The following FOXD2 variants were observed in gnomAD, a reference collection of about 807,000 sequenced individuals.
FOXD2 encodes forkhead box D2, also known as forkhead box protein D2.
In FOXD2, 4 loss-of-function variants were observed where a neutral mutation model predicts 6.4. That is an observed-to-expected ratio of 0.62 (90% CI 0.31 to 1.42). The LOEUF (loss-of-function observed/expected upper bound fraction) is 1.42, where lower values mean the gene tolerates loss of function less well. Ranked by LOEUF, FOXD2 falls within the 40% of genes most tolerant of loss-of-function variation. FOXD2 has a pLI of 0.08. For synonymous variants in FOXD2, 393 were observed against 373.6 expected, an observed-to-expected ratio of 1.05 and a Z score of -0.60; for missense variants, 709 against 766.8, an observed-to-expected ratio of 0.92 and a Z score of 0.89.
In FOXD2 at chr1:47,439,652, C is replaced by T. The variant is rs1304094949; in HGVS notation, c.*29C>T. 6 of 1,534,662 alleles carry T rather than the reference C, an allele frequency of 3.9e-6. No individual in the cohort carries two copies. The highest frequency in any genetic ancestry group is 1.2e-5 in the South Asian group (1 of 82,416). ...CAGCAGGCCCAGGGCCGGTTAGGTC[C>T]GCACTCCTCAGCCTCTCCCGGGAGT... On this transcript the variant is annotated 3_prime_UTR_variant, in exon 1 of 1. Coordinates refer to ENST00000334793, the MANE Select transcript of FOXD2 (RefSeq NM_004474.4).
rs903605765 is a variant in FOXD2 at position 47,440,199 on chromosome 1, C to G, written c.*576C>G. 6.3e-6 allele frequency: 1 copy of G among 158,122 alleles called. No homozygotes were observed. The highest frequency in any genetic ancestry group is 2.6e-5 in the African/African-American group (1 of 38,074). 9.8% of individuals were successfully genotyped at this position (158,122 alleles called of 1,614,324 possible). A position where few individuals can be genotyped will look rare whatever the true frequency, so the allele number is the denominator to read the frequency against. ...CAGTGTCTACGCAGGCGGAGCTGAA[C>G]GGAGAGGTGAAGCAGGGGGTCTTTA... On this transcript the variant is annotated 3_prime_UTR_variant, in exon 1 of 1. Transcript: ENST00000334793.
rs1646995276 is a variant in FOXD2, at chr1:47,439,370, TCTCTATAGACCA to T, written c.1237_1248del (p.Ser413_His416del). ...GCCGGGGCAGGGCAGAGGCCTTCCT[TCTCTATAGACCA>T]CATCATGGGCCACGGTGGCGGCGGG... On this transcript the variant is annotated inframe_deletion, in exon 1 of 1. Coordinates refer to ENST00000334793, the MANE Select transcript of FOXD2 (RefSeq NM_004474.4). The T allele has an allele frequency of 2.0e-6, 3 of 1,522,780 alleles. No individual in the cohort carries two copies. Among genetic ancestry groups the T allele is most frequent in the Non-Finnish European group, 2.6e-6 (3 of 1,148,168 alleles). The allele number at this position is 1,522,780 out of a possible 1,614,324, so 94.3% of individuals were successfully genotyped here.
rs1646993189 is a variant in FOXD2, at chr1:47,439,154, C to CCTCAGG, written c.1023_1028dup (p.Ser343_Gly344dup). 6.9e-7 allele frequency: 1 copy of CCTCAGG among 1,455,272 alleles called. No homozygotes were observed. The highest frequency in any genetic ancestry group is 9.0e-7 in the Non-Finnish European group (1 of 1,110,292). 90.1% of individuals were successfully genotyped at this position (1,455,272 alleles called of 1,614,324 possible). On this transcript the variant is annotated inframe_insertion, in exon 1 of 1. Transcript: ENST00000334793. ...GGATCGGCCCCAGCTCCTGCGCCTG[C>CCTCAGG]CTCAGGCTCGGGCCCGGGCCCGGGC... is the stretch of plus-strand genomic sequence containing the variant.
chr1:47,439,033 G>A lies in FOXD2; in HGVS notation c.898G>A (p.Ala300Thr), dbSNP rs1395933997. ...CCCGCACGCCTTCGCTTTCGCCGCG[G>A]CAGCCGCCGCCGCTCCTTGCCAGCT... The part of the protein sequence containing the change: ...PHPHAFAFAA[A>T]AAAAPCQLSV... Residue 300 changes from alanine to threonine, a missense_variant, in exon 1 of 1, where the codon GCA becomes ACA. Ala to Thr is a moderately conservative substitution (Grantham distance 58). Coordinates refer to ENST00000334793, the MANE Select transcript of FOXD2 (RefSeq NM_004474.4). 11 of 1,440,424 alleles carry A rather than the reference G, an allele frequency of 7.6e-6. No individual in the cohort carries two copies. The highest frequency in any genetic ancestry group is 1.3e-5 in the South Asian group (1 of 74,094). The allele number at this position is 1,440,424 out of a possible 1,614,324, so 89.2% of individuals were successfully genotyped here. A position where few individuals can be genotyped will look rare whatever the true frequency, so the allele number is the denominator to read the frequency against.
At position 47,439,918 on chromosome 1, in the gene FOXD2, G is replaced by A. The variant is rs940585411; in HGVS notation, c.*295G>A. The A allele has an allele frequency of 5.1e-6, 2 of 395,748 alleles. No individual in the cohort carries two copies. The highest frequency in any genetic ancestry group is 6.6e-4 in the Middle Eastern group (1 of 1,512). 24.5% of individuals were successfully genotyped at this position (395,748 alleles called of 1,614,324 possible). On this transcript the variant is annotated 3_prime_UTR_variant, in exon 1 of 1. Transcript: ENST00000334793. ...GGGCTTCGTTTTTTTCCCTGCCTCT[G>A]CGCCTCTCGGGGAACACATTCCGGG...
In FOXD2 at chr1:47,439,342, G is replaced by A; in HGVS notation, c.1207G>A (p.Gly403Ser). ...TDAGGGAGGG[G>S]AGAGQRPSFS... ...CGCGGGCGGTGGTGCAGGCGGCGGGGGCGCCGGGGCAGGGCAGAGGCCTTC... is the reference window on the plus strand; with the variant it reads ...CGCGGGCGGTGGTGCAGGCGGCGGGAGCGCCGGGGCAGGGCAGAGGCCTTC... The change falls in exon 1 of 1, where the codon GGC becomes AGC. Residue 403 changes from glycine (G) to serine (S), a missense_variant. Physicochemically the swap from Gly to Ser is moderately conservative, Grantham distance 56. Transcript: ENST00000334793. The A allele has an allele frequency of 6.7e-7, 1 of 1,487,602 alleles. No homozygotes were observed. Among genetic ancestry groups the A allele is most frequent in the Non-Finnish European group, 8.8e-7 (1 of 1,132,922 alleles). The allele number at this position is 1,487,602 out of a possible 1,614,324, so 92.2% of individuals were successfully genotyped here. A position where few individuals can be genotyped will look rare whatever the true frequency, so the allele number is the denominator to read the frequency against.
Position 47,438,816 on chromosome 1 carries a change from C to A in FOXD2, c.681C>A (p.Pro227=). Residue 227 remains proline, a synonymous_variant, in exon 1 of 1, where the codon CCC becomes CCA. Coordinates refer to ENST00000334793, the MANE Select transcript of FOXD2 (RefSeq NM_004474.4). Reference sequence around the variant, plus strand: ...GTCGCAAGCGCTTCAAGCGGCAGCCCCTGCCGCCGCCGCACCCACACCCGC... The same window carrying A: ...GTCGCAAGCGCTTCAAGCGGCAGCCACTGCCGCCGCCGCACCCACACCCGC... ...LRRRKRFKRQ[P]LPPPHPHPHP... The A allele has an allele frequency of 6.2e-7, 1 of 1,611,806 alleles. No individual in the cohort carries two copies. The highest frequency in any genetic ancestry group is 1.1e-5 in the South Asian group (1 of 90,982).
rs995898644 is a variant in FOXD2 at position 47,439,724 on chromosome 1, A to C, written c.*101A>C. On this transcript the variant is annotated 3_prime_UTR_variant, in exon 1 of 1. Transcript: ENST00000334793. ...CAGGGAGTCTATTTATGAAGTCTCC[A>C]GACCTTGGGCCGGCACGCGTGACAC... is the stretch of plus-strand genomic sequence containing the variant. 2.2e-5 allele frequency: 25 copies of C among 1,155,330 alleles called. No homozygotes were observed. In the Admixed American group the frequency reaches 3.1e-4, roughly 14 times the overall value. The allele number at this position is 1,155,330 out of a possible 1,614,324, so 71.6% of individuals were successfully genotyped here. A position where few individuals can be genotyped will look rare whatever the true frequency, so the allele number is the denominator to read the frequency against.
rs1285378527 is a variant in FOXD2, at chr1:47,438,865, C to T, written c.730C>T (p.Arg244Cys). ...HPHPHPELLL[R>C]GGAAAAGDPG... is the part of the protein sequence containing the mutation. ...GCACCCTCACCCGGAGCTGCTGCTGCGTGGCGGGGCCGCGGCGGCGGGGGA... is the reference window on the plus strand; with the variant it reads ...GCACCCTCACCCGGAGCTGCTGCTGTGTGGCGGGGCCGCGGCGGCGGGGGA... The change falls in exon 1 of 1, where the codon CGT becomes TGT. Residue 244 changes from arginine to cysteine, a missense_variant. By Grantham distance (180) the Arg-to-Cys change is radical. This residue lies in a region of FOXD2 where 98 missense variants were observed against 91.0 expected (regional missense o/e 1.08). Transcript: ENST00000334793. 3.8e-6 allele frequency: 6 copies of T among 1,596,440 alleles called. No individual in the cohort carries two copies. The highest frequency in any genetic ancestry group is 5.1e-6 in the Non-Finnish European group (6 of 1,172,688).
rs1182577071 is a variant in FOXD2, at chr1:47,439,409, C to T, written c.1274C>T (p.Ala425Val). The T allele has an allele frequency of 1.3e-6, 2 of 1,542,700 alleles. No individual in the cohort carries two copies. Among genetic ancestry groups the T allele is most frequent in the Middle Eastern group, 1.8e-4 (1 of 5,566 alleles). ...ATCATGGGCCACGGTGGCGGCGGGGCAGCACCCCCGGGCGCCGGCGAGGGC... is the reference window on the plus strand; with the variant it reads ...ATCATGGGCCACGGTGGCGGCGGGGTAGCACCCCCGGGCGCCGGCGAGGGC... Reference protein sequence around the residue: ...DHIMGHGGGGAAPPGAGEGSP... With the variant: ...DHIMGHGGGGVAPPGAGEGSP... The change falls in exon 1 of 1, where the codon GCA (alanine) becomes GTA (valine). Residue 425 changes from alanine to valine, a missense_variant. Coordinates refer to ENST00000334793, the MANE Select transcript of FOXD2 (RefSeq NM_004474.4).
In FOXD2 at chr1:47,439,306, C is replaced by A; in HGVS notation, c.1171C>A (p.Leu391Ile). ...GLPTALLRQGLKTDAGGGAGG... is the reference protein window; with the variant it reads ...GLPTALLRQGIKTDAGGGAGG... The stretch of plus-strand genomic sequence containing the variant: ...GCCCACCGCACTTCTGCGCCAGGGC[C>A]TCAAGACGGACGCGGGCGGTGGTGC... The change falls in exon 1 of 1, where the codon CTC (leucine) becomes ATC (isoleucine). Residue 391 changes from leucine to isoleucine, a missense_variant. This residue lies in a region of FOXD2 where 322 missense variants were observed against 313.8 expected (regional missense o/e 1.03). Coordinates refer to ENST00000334793, the MANE Select transcript of FOXD2 (RefSeq NM_004474.4). The A allele has an allele frequency of 6.7e-7, 1 of 1,485,636 alleles. No homozygotes were observed. The highest frequency in any genetic ancestry group is 8.8e-7 in the Non-Finnish European group (1 of 1,130,628). The allele number at this position is 1,485,636 out of a possible 1,614,324, so 92.0% of individuals were successfully genotyped here. A position where few individuals can be genotyped will look rare whatever the true frequency, so the allele number is the denominator to read the frequency against.
Position 47,438,604 on chromosome 1 carries a change from A to C in FOXD2, c.469A>C (p.Ile157Leu). Residue 157 changes from isoleucine to leucine, a missense_variant, in exon 1 of 1, where the codon ATC becomes CTC. Ile to Leu is a conservative substitution (Grantham distance 5, BLOSUM62 2). This residue lies in a region of FOXD2 where 69 missense variants were observed against 145.6 expected (regional missense o/e 0.47). Coordinates refer to ENST00000334793, the MANE Select transcript of FOXD2 (RefSeq NM_004474.4). Reference protein sequence around the residue: ...RLTLSEICEFISGRFPYYREK... With the variant: ...RLTLSEICEFLSGRFPYYREK... ...GACGTTGAGCGAGATCTGCGAGTTC[A>C]TCAGCGGCCGCTTCCCCTACTACCG... 2 of 1,613,930 alleles carry C rather than the reference A, an allele frequency of 1.2e-6. No individual in the cohort carries two copies. Among genetic ancestry groups the C allele is most frequent in the Non-Finnish European group, 1.7e-6 (2 of 1,179,948 alleles).
chr1:47,439,258 G>T lies in FOXD2; in HGVS notation c.1123G>T (p.Ala375Ser). 6.6e-7 allele frequency: 1 copy of T among 1,504,188 alleles called. No homozygotes were observed. The highest frequency in any genetic ancestry group is 8.8e-7 in the Non-Finnish European group (1 of 1,138,426). The allele number at this position is 1,504,188 out of a possible 1,614,324, so 93.2% of individuals were successfully genotyped here. A position where few individuals can be genotyped will look rare whatever the true frequency, so the allele number is the denominator to read the frequency against. The change falls in exon 1 of 1, where the codon GCA becomes TCA. Residue 375 changes from alanine (A) to serine (S), a missense_variant. Ala to Ser is a moderately conservative substitution (Grantham distance 99). Around this residue, in one of 5 missense-constraint regions of FOXD2, gnomAD observed 322 missense variants for 313.8 expected, o/e 1.03. Coordinates refer to ENST00000334793, the MANE Select transcript of FOXD2 (RefSeq NM_004474.4). ...CTACGCGGCGTCCCTGAGTCCTCCC[G>T]CAGCCGGCACCGCGGCGGGTCTGCC... ...AFYAASLSPP[A>S]AGTAAGLPTA...
In FOXD2 at chr1:47,439,468, C is replaced by G; in HGVS notation, c.1333C>G (p.Pro445Ala). The G allele has an allele frequency of 6.5e-7, 1 of 1,545,278 alleles. No homozygotes were observed. The highest frequency in any genetic ancestry group is 8.7e-7 in the Non-Finnish European group (1 of 1,148,278). Residue 445 changes from proline to alanine, a missense_variant, in exon 1 of 1, where the codon CCT (proline) becomes GCT (alanine). Transcript: ENST00000334793. ...ACCGCCATTCGCGGCAGCCGCGGGTCCTGGGGGCCAAGCCCAGGTCTTGGC... is the reference window on the plus strand; with the variant it reads ...ACCGCCATTCGCGGCAGCCGCGGGTGCTGGGGGCCAAGCCCAGGTCTTGGC... ...PGPPFAAAAG[P>A]GGQAQVLAML... is the part of the protein sequence containing the mutation.
rs759089664 is a variant in FOXD2 at position 47,438,241 on chromosome 1, G to T, written c.106G>T (p.Gly36Trp). ...AGACGTGGTGGGCGGCGGCAGCGGC[G>T]GGGGGGAGCTCCCAGCTCGCTCCGG... ...DIDVVGGGSGGGELPARSGPR... is the reference protein window; with the variant it reads ...DIDVVGGGSGWGELPARSGPR... The change falls in exon 1 of 1, where the codon GGG (glycine) becomes TGG (tryptophan). Residue 36 changes from glycine (G) to tryptophan (W), a missense_variant. Transcript: ENST00000334793. The T allele has an allele frequency of 1.7e-5, 24 of 1,383,168 alleles. No homozygotes were observed. Among genetic ancestry groups the T allele is most frequent in the Middle Eastern group, 2.5e-4 (1 of 4,004 alleles). The allele number at this position is 1,383,168 out of a possible 1,614,324, so 85.7% of individuals were successfully genotyped here. A position where few individuals can be genotyped will look rare whatever the true frequency, so the allele number is the denominator to read the frequency against.
Position 47,439,421 on chromosome 1 carries a change from G to A in FOXD2, c.1286G>A (p.Gly429Asp), listed in dbSNP as rs998990588. 42 of 1,538,852 alleles carry A rather than the reference G, an allele frequency of 2.7e-5. No individual in the cohort carries two copies. The highest frequency in any genetic ancestry group is 3.3e-5 in the Non-Finnish European group (38 of 1,149,794). Reference protein sequence around the residue: ...GHGGGGAAPPGAGEGSPGPPF... With the variant: ...GHGGGGAAPPDAGEGSPGPPF... ...GGTGGCGGCGGGGCAGCACCCCCGG[G>A]CGCCGGCGAGGGCTCTCCGGGACCG... Residue 429 changes from glycine to aspartate, a missense_variant, in exon 1 of 1, where the codon GGC becomes GAC. Gly to Asp is a moderately conservative substitution (Grantham distance 94). Coordinates refer to ENST00000334793, the MANE Select transcript of FOXD2 (RefSeq NM_004474.4).
chr1:47,439,125 C>G lies in FOXD2; in HGVS notation c.990C>G (p.Gly330=). ...PGPPTASVFA[G]AGSAPAPAPA... ...CTCCGACGGCCTCGGTGTTCGCAGG[C>G]GCGGGATCGGCCCCAGCTCCTGCGC... The change falls in exon 1 of 1, where the codon GGC becomes GGG. Residue 330 remains glycine (G), a synonymous_variant. Coordinates refer to ENST00000334793, the MANE Select transcript of FOXD2 (RefSeq NM_004474.4). The G allele has an allele frequency of 6.8e-7, 1 of 1,459,890 alleles. No homozygotes were observed. 90.4% of individuals were successfully genotyped at this position (1,459,890 alleles called of 1,614,324 possible). A position where few individuals can be genotyped will look rare whatever the true frequency, so the allele number is the denominator to read the frequency against.
At position 47,438,234 on chromosome 1, in the gene FOXD2, C is replaced by T; in HGVS notation, c.99C>T (p.Gly33=). The stretch of plus-strand genomic sequence containing the variant: ...CAGACATAGACGTGGTGGGCGGCGG[C>T]AGCGGCGGGGGGGAGCTCCCAGCTC... ...ADADIDVVGG[G]SGGGELPARS... is the part of the protein sequence containing the mutation. Residue 33 remains glycine (G), a synonymous_variant, in exon 1 of 1, where the codon GGC becomes GGT. Coordinates refer to ENST00000334793, the MANE Select transcript of FOXD2 (RefSeq NM_004474.4). The T allele has an allele frequency of 7.1e-7, 1 of 1,405,530 alleles. No homozygotes were observed. The highest frequency in any genetic ancestry group is 9.2e-7 in the Non-Finnish European group (1 of 1,084,098). The allele number at this position is 1,405,530 out of a possible 1,614,324, so 87.1% of individuals were successfully genotyped here.
At position 47,439,247 on chromosome 1, in the gene FOXD2, T is replaced by C. The variant is rs774532525; in HGVS notation, c.1112T>C (p.Leu371Pro). The C allele has an allele frequency of 6.6e-7, 1 of 1,505,182 alleles. No individual in the cohort carries two copies. The highest frequency in any genetic ancestry group is 2.7e-5 in the East Asian group (1 of 36,378). 93.2% of individuals were successfully genotyped at this position (1,505,182 alleles called of 1,614,324 possible). A position where few individuals can be genotyped will look rare whatever the true frequency, so the allele number is the denominator to read the frequency against. The change falls in exon 1 of 1, where the codon CTG becomes CCG. Residue 371 changes from leucine to proline, a missense_variant. By Grantham distance (98) the Leu-to-Pro change is moderately conservative (BLOSUM62 -3). This residue lies in a region of FOXD2 where 322 missense variants were observed against 313.8 expected (regional missense o/e 1.03). Transcript: ENST00000334793. ...GCCAAAGCCTTCTACGCGGCGTCCC[T>C]GAGTCCTCCCGCAGCCGGCACCGCG... ...GCAKAFYAAS[L>P]SPPAAGTAAG...
Sources: gnomAD v4.1 joint callset for allele counts on GRCh38, gnomAD v4.1.1 for gene constraint, gnomAD v4.1.1 regional missense constraint, MANE v1.5 for transcripts, NCBI Gene and HGNC (gene_info 2026-07-23, HGNC 2026-07-21) for gene names.